IKZF3: variants seen among roughly 807,000 people sequenced by gnomAD.
IKZF3 encodes the protein zinc finger protein Aiolos.
A neutral mutation model predicts 49.0 loss-of-function variants in IKZF3; 10 were observed. That is an observed-to-expected ratio of 0.20 (90% CI 0.13 to 0.35). IKZF3 has a LOEUF of 0.35. Among genes scored for constraint, IKZF3 ranks in the 10% least tolerant of loss-of-function variants. The probability of loss-of-function intolerance (pLI) is 1.00; values close to 1 mark genes in which losing one functional copy is unlikely to be tolerated. For missense variants in IKZF3, 498 were observed against 664.8 expected (o/e 0.75, Z 2.76); for synonymous variants, 209 against 228.2 (o/e 0.92, Z 0.76).
At position 39,791,704 on chromosome 17, in the gene IKZF3, T is replaced by C. The variant is rs569097053; in HGVS notation, c.425-121A>G. The C allele has an allele frequency of 1.6e-4, 158 of 1,009,076 alleles. No individual in the cohort carries two copies. The African/African-American group carries it at 2.3e-3, about 15-fold the overall frequency. The allele number at this position is 1,009,076 out of a possible 1,614,324, so 62.5% of individuals were successfully genotyped here. On this transcript the variant is annotated intron_variant, in intron 4 of 7. Coordinates refer to ENST00000346872, the MANE Select transcript of IKZF3 (RefSeq NM_012481.5). ...CAATTACTGTTCACATTGGGATCAGTTGGGAGCTGCATTTCAAGGCAAGCC... is the reference window on the plus strand; with the variant it reads ...CAATTACTGTTCACATTGGGATCAGCTGGGAGCTGCATTTCAAGGCAAGCC...
chr17:39,803,345 C>T (rs9941360), intron 3 of IKZF3, among the ~76,000 whole-genome samples: 4,610 of 151,868 alleles, frequency 0.03, 238 homozygotes, highest in African/African-American at 0.11. Context: ...TAACTGCTAC[C>T]CATCAAAAAA....
rs151120411 is a variant in IKZF3 at position 39,842,656 on chromosome 17, T to A, written c.8-10505A>T. On this transcript the variant is annotated intron_variant, in intron 1 of 7. Transcript: ENST00000346872. ...GAGTACATTCTGAGTACATTATTCA[T>A]GAGTACATTATTCATGTACAAATTC... Among the ~76,000 whole-genome samples the A allele has an allele frequency of 2.1e-3, 313 of 152,300 alleles. 1 individual carries two copies. The highest frequency in any genetic ancestry group is 7.3e-3 in the African/African-American group (304 of 41,562).
chr17:39,844,235 A>G (rs933470699), intron 1 of IKZF3, among the ~76,000 whole-genome samples: 6 of 152,326 alleles, frequency 3.9e-5, no homozygotes, highest in South Asian at 4.1e-4. Context: ...ATTGCTTTTG[A>G]TAGAAATATA....
intron 1 of IKZF3, among the ~76,000 whole-genome samples, chr17:39,847,413 G>A (rs150857045): frequency 3.7e-4 from 57 of 152,206 alleles, no homozygotes; most frequent in African/African-American, 1.3e-3. Context: ...GCCTCTGCTT[G>A]AACACTTCGA....
rs2144625800 is a variant in IKZF3 at position 39,864,254 on chromosome 17, A to C, written c.-128T>G. 1 of 1,114,708 alleles carries C rather than the reference A, an allele frequency of 9.0e-7. No individual in the cohort carries two copies. The highest frequency in any genetic ancestry group is 2.6e-5 in the East Asian group (1 of 37,860). 69.1% of individuals were successfully genotyped at this position (1,114,708 alleles called of 1,614,324 possible). A position where few individuals can be genotyped will look rare whatever the true frequency, so the allele number is the denominator to read the frequency against. ...GCGCGGGGAGTCCCCGGGATCCGGC[A>C]GCCGCGTCGGCGCAGACTGAAAAGG... On this transcript the variant is annotated 5_prime_UTR_variant, in exon 1 of 8. Transcript: ENST00000346872.
chr17:39,837,430 G>T (rs1160306871), intron 1 of IKZF3, among the ~76,000 whole-genome samples: 1 of 149,108 alleles, frequency 6.7e-6, no homozygotes, highest in Non-Finnish European at 1.5e-5. Context: ...AGTTTACAGG[G>T]TTTTTTTCTT....
At chr17:39,793,552 G>A (rs2061084048) in intron 3 of IKZF3, among the ~76,000 whole-genome samples, 1 of 152,160 alleles carries the variant, frequency 6.6e-6, no homozygotes, top group Non-Finnish European at 1.5e-5. Flanking sequence ...CAGTACTAAT[G>A]AAAAAGTGTT....
At chr17:39,835,699 G>C (rs1598157740) in intron 1 of IKZF3, 5 of 477,290 alleles carry the variant, frequency 1.0e-5, no homozygotes, top group South Asian at 4.9e-5. Flanking sequence ...ATCTGGGACT[G>C]GAGCTCCCAG....
chr17:39,795,537 G>A (rs571166073), intron 3 of IKZF3, among the ~76,000 whole-genome samples: 1 of 152,082 alleles, frequency 6.6e-6, no homozygotes, highest in African/African-American at 2.4e-5. Context: ...CTCCCGAGTA[G>A]CTGGGATTAC....
intron 1 of IKZF3, chr17:39,835,079 A>C (rs2062232298): frequency 2.3e-6 from 1 of 430,504 alleles, no homozygotes; most frequent in Non-Finnish European, 4.5e-6. Flanking sequence ...AGCCCCCGCC[A>C]GAGCCAAAGC....
At chr17:39,789,163 C>T (rs1159641549) in intron 5 of IKZF3, among the ~76,000 whole-genome samples, 1 of 152,112 alleles carries the variant, frequency 6.6e-6, no homozygotes, top group African/African-American at 2.4e-5. Context: ...GGCGCAGTGG[C>T]TGACACCTGT....
At chr17:39,834,139 G>A (rs983610563) in intron 1 of IKZF3, among the ~76,000 whole-genome samples, 9 of 152,184 alleles carry the variant, frequency 5.9e-5, no homozygotes, top group Non-Finnish European at 1.3e-4. Flanking sequence ...TTAGACTGGA[G>A]CATGATCATC....
At chr17:39,788,466 G>C in intron 5 of IKZF3, 92 bp from the exon 6 acceptor site, 2 of 751,392 alleles carry the variant, frequency 2.7e-6, no homozygotes, top group Non-Finnish European at 4.8e-6. Flanking sequence ...CACTAGAAAT[G>C]AGACTGCTGA....
At chr17:39,804,810 A>G (rs1404779174) in intron 3 of IKZF3, among the ~76,000 whole-genome samples, 1 of 151,956 alleles carries the variant, frequency 6.6e-6, no homozygotes, top group Non-Finnish European at 1.5e-5. Context: ...TTATTTACTT[A>G]TATCCTCTGT....
chr17:39,808,933 CAG>C (rs1384039258), intron 3 of IKZF3, among the ~76,000 whole-genome samples: 1 of 152,132 alleles, frequency 6.6e-6, no homozygotes, highest in Non-Finnish European at 1.5e-5. Context: ...GCTGACTTAA[CAG>C]AAGTTAACAA....
chr17:39,768,622 A>G (rs747169143), intron 7 of IKZF3, among the ~76,000 whole-genome samples: 22 of 152,156 alleles, frequency 1.4e-4, no homozygotes, highest in Non-Finnish European at 2.6e-4. Flanking sequence ...CCGTGTCCTC[A>G]TGTAAAGTGA....
At chr17:39,790,480 G>A (rs2060991301) in intron 5 of IKZF3, among the ~76,000 whole-genome samples, 1 of 152,072 alleles carries the variant, frequency 6.6e-6, no homozygotes, top group Admixed American at 6.5e-5. Flanking sequence ...AATCCTAGTG[G>A]CTGAATTATA....
intron 3 of IKZF3, among the ~76,000 whole-genome samples, chr17:39,820,334 C>T (rs1177206624): frequency 6.6e-6 from 1 of 152,002 alleles, no homozygotes; most frequent in Non-Finnish European, 1.5e-5. Flanking sequence ...TTAGATTTAT[C>T]AACATAAATA....
intron 3 of IKZF3, among the ~76,000 whole-genome samples, chr17:39,826,097 C>T (rs1044211582): frequency 1.3e-5 from 2 of 152,168 alleles, no homozygotes; most frequent in African/African-American, 4.8e-5. Context: ...GCCTAGAGAG[C>T]AGTGACACGA....
Sources: allele counts gnomAD v4.1 joint callset (sites outside exome capture counted in the v4.1 genomes callset), GRCh38; gene constraint gnomAD v4.1.1; transcripts MANE v1.5; gene names NCBI Gene and HGNC (gene_info 2026-07-23, HGNC 2026-07-21).